The following ANGPTL3 variants were observed in gnomAD, a reference collection of about 807,000 sequenced individuals.
ANGPTL3 encodes the protein angiopoietin like 3, also known as angiopoietin-related protein 3.
In ANGPTL3, 51 loss-of-function variants were observed where a neutral mutation model predicts 52.7. That is an observed-to-expected ratio of 0.97 (90% CI 0.77 to 1.22). The LOEUF (loss-of-function observed/expected upper bound fraction) is 1.22. Ranked by LOEUF, ANGPTL3 falls within the 50% of genes most tolerant of loss-of-function variation. The pLI is 0.00. For synonymous variants in ANGPTL3, 185 were observed against 179.8 expected (o/e 1.03, Z -0.23); for missense variants, 506 against 520.7 (o/e 0.97, Z 0.27).
Position 62,597,875 on chromosome 1 carries a change from A to G in ANGPTL3, c.309A>G (p.Thr103=). 1.9e-6 allele frequency: 3 copies of G among 1,585,196 alleles called. No individual in the cohort carries two copies. The highest frequency in any genetic ancestry group is 2.6e-6 in the Non-Finnish European group (3 of 1,169,022). Residue 103 remains threonine, a synonymous_variant, in exon 1 of 7, where the codon ACA becomes ACG. Transcript: ENST00000371129. ...AAGAAAAGGAACTGAGAAGAACTAC[A>G]TATAAACTACAAGTCAAAAATGAAG... is the stretch of plus-strand genomic sequence containing the variant. ...KEEEKELRRT[T]YKLQVKNEEV... is the part of the protein sequence containing the mutation.
chr1:62,602,393 C>A lies in ANGPTL3; in HGVS notation c.931+13C>A. On this transcript the variant is annotated intron_variant, in intron 5 of 6. Transcript: ENST00000371129. Reference sequence around the variant, plus strand: ...GGGAGGCTTGATGGTAAGGGGACTACATTCAATCATTCATTCACTTGCTAA... The same window carrying A: ...GGGAGGCTTGATGGTAAGGGGACTAAATTCAATCATTCATTCACTTGCTAA... 6.3e-7 allele frequency: 1 copy of A among 1,595,428 alleles called. No individual in the cohort carries two copies. The highest frequency in any genetic ancestry group is 8.6e-7 in the Non-Finnish European group (1 of 1,163,820).
At position 62,597,972 on chromosome 1, in the gene ANGPTL3, CAA is replaced by C; in HGVS notation, c.410_411del (p.Lys137SerfsTer10). On this transcript the variant is annotated frameshift_variant, in exon 1 of 7. Coordinates refer to ENST00000371129, the MANE Select transcript of ANGPTL3 (RefSeq NM_014495.4). LOFTEE classifies it high-confidence loss of function. Reference protein sequence around the residue: ...SLLEEKILLQQKVKYLEEQLT... With the variant: ...SLLEEKILLQXKVKYLEEQLT... ...CCTAGAAGAAAAAATTCTACTTCAACAAAAAGTGAAATATTTAGAAGAGCAAC... is the reference window on the plus strand; with the variant it reads ...CCTAGAAGAAAAAATTCTACTTCAACAAAGTGAAATATTTAGAAGAGCAAC... 1 of 1,557,418 alleles carries C rather than the reference CAA, an allele frequency of 6.4e-7. No individual in the cohort carries two copies. Among genetic ancestry groups the C allele is most frequent in the Non-Finnish European group, 8.6e-7 (1 of 1,160,712 alleles).
intron 2 of ANGPTL3, among the ~76,000 whole-genome samples, chr1:62,600,048 T>C (rs1649882580): frequency 6.6e-6 from 1 of 151,996 alleles, no homozygotes; most frequent in African/African-American, 2.4e-5. Flanking sequence ...TTAGTAGTGC[T>C]GCTAAAAGGT....
chr1:62,603,969 G>C lies in ANGPTL3; in HGVS notation c.932G>C (p.Gly311Ala). ...AGATTTTTAAAACTTTTCTTTTCAG[G>C]AGAATTTTGGTTGGGCCTAGAGAAG... ...NYKYGFGRLD[G>A]EFWLGLEKIY... is the part of the protein sequence containing the mutation. The change falls in exon 6 of 7, where the codon GGA (glycine) becomes GCA (alanine). Residue 311 changes from glycine to alanine, a missense_variant and splice_region_variant. By Grantham distance (60) the Gly-to-Ala change is moderately conservative. Transcript: ENST00000371129. 6.2e-7 allele frequency: 1 copy of C among 1,612,496 alleles called. No homozygotes were observed. The highest frequency in any genetic ancestry group is 1.1e-5 in the South Asian group (1 of 91,004).
At position 62,601,770 on chromosome 1, in the gene ANGPTL3, C is replaced by A; in HGVS notation, c.723C>A (p.Gly241=). The A allele has an allele frequency of 6.3e-7, 1 of 1,595,298 alleles. No homozygotes were observed. Among genetic ancestry groups the A allele is most frequent in the Non-Finnish European group, 8.6e-7 (1 of 1,164,694 alleles). ...GTAATAACATTTTATTGATTCTAGGCATTCCTGCTGAATGTACCACCATTT... is the reference window on the plus strand; with the variant it reads ...GTAATAACATTTTATTGATTCTAGGAATTCCTGCTGAATGTACCACCATTT... ...LNEIRNVKHD[G]IPAECTTIYN... The change falls in exon 4 of 7, where the codon GGC becomes GGA. Residue 241 remains glycine (G), a splice_region_variant and synonymous_variant. Coordinates refer to ENST00000371129, the MANE Select transcript of ANGPTL3 (RefSeq NM_014495.4).
rs750973811 is a variant in ANGPTL3 at position 62,598,750 on chromosome 1, G to A, written c.550G>A (p.Asp184Asn). The A allele has an allele frequency of 1.2e-6, 2 of 1,611,518 alleles. No individual in the cohort carries two copies. Among genetic ancestry groups the A allele is most frequent in the East Asian group, 4.5e-5 (2 of 44,710 alleles). Residue 184 changes from aspartate (D) to asparagine (N), a missense_variant, in exon 2 of 7, where the codon GAC becomes AAC. Physicochemically the swap from Asp to Asn is conservative, Grantham distance 23. Transcript: ENST00000371129. ...CAAAGACCTTCTCCAGACCGTGGAA[G>A]ACCAATATAAACAATTAAACCAACA... ...SIKDLLQTVE[D>N]QYKQLNQQHS...
intron 3 of ANGPTL3, 70 bp from the exon 4 acceptor site, chr1:62,601,699 T>C: frequency 9.0e-7 from 1 of 1,106,790 alleles, no homozygotes; most frequent in Non-Finnish European, 1.4e-6. Context: ...AAATGTCAAG[T>C]GAAATCTCAA....
In ANGPTL3 at chr1:62,597,993, G is replaced by T; in HGVS notation, c.427G>T (p.Glu143Ter). ...LLQQKVKYLE[E>*]QLTNLIQNQP... ...TCAACAAAAAGTGAAATATTTAGAAGAGCAACTAACTAACTTAATTCAAAA... is the reference window on the plus strand; with the variant it reads ...TCAACAAAAAGTGAAATATTTAGAATAGCAACTAACTAACTTAATTCAAAA... Residue 143 changes from glutamate to a stop codon, truncating the protein, a stop_gained, in exon 1 of 7, where the codon GAG (glutamate) becomes TAG (stop). Transcript: ENST00000371129. LOFTEE classifies it high-confidence loss of function. 6.4e-7 allele frequency: 1 copy of T among 1,567,644 alleles called. No homozygotes were observed. Among genetic ancestry groups the T allele is most frequent in the South Asian group, 1.2e-5 (1 of 81,810 alleles).
intron 3 of ANGPTL3, 138 bp from the exon 4 acceptor site, chr1:62,601,630 AG>A: frequency 5.0e-6 from 3 of 596,196 alleles, no homozygotes; most frequent in Non-Finnish European, 8.9e-6. Flanking sequence ...ACGCCATCTA[AG>A]AAAAATGCTT....
chr1:62,603,427 T>G (rs951237991), intron 5 of ANGPTL3, among the ~76,000 whole-genome samples: 3 of 151,806 alleles, frequency 2.0e-5, no homozygotes, highest in Non-Finnish European at 4.4e-5. Flanking sequence ...AGAAAAAAGT[T>G]ATTAAGAACC....
At chr1:62,598,293 A>T (rs141806950) in intron 1 of ANGPTL3, among the ~76,000 whole-genome samples, 2 of 152,090 alleles carry the variant, frequency 1.3e-5, no homozygotes, top group African/African-American at 4.8e-5. Context: ...TATGAAAATT[A>T]CAAATCGGTT....
At chr1:62,600,409 T>A (rs1017080754) in intron 2 of ANGPTL3, among the ~76,000 whole-genome samples, 4 of 151,824 alleles carry the variant, frequency 2.6e-5, no homozygotes, top group African/African-American at 2.4e-5. Flanking sequence ...CTAGGAAATA[T>A]CATTCATGCC....
In ANGPTL3 at chr1:62,602,328, A is replaced by G. The variant is rs756694873; in HGVS notation, c.879A>G (p.Gln293=). 6.2e-7 allele frequency: 1 copy of G among 1,611,030 alleles called. No homozygotes were observed. The highest frequency in any genetic ancestry group is 1.1e-5 in the South Asian group (1 of 90,990). ...TLIQHRIDGS[Q]NFNETWENYK... ...TTCAACATCGAATAGATGGATCACA[A>G]AACTTCAATGAAACGTGGGAGAACT... Residue 293 remains glutamine, a synonymous_variant, in exon 5 of 7, where the codon CAA becomes CAG. Coordinates refer to ENST00000371129, the MANE Select transcript of ANGPTL3 (RefSeq NM_014495.4).
chr1:62,603,083 CT>C lies in ANGPTL3; in HGVS notation c.931+704del, dbSNP rs561542994. 1.8e-3 allele frequency among the ~76,000 whole-genome samples: 268 copies of C among 151,806 alleles called. 2 individuals are homozygous for C. Among genetic ancestry groups the C allele is most frequent in the African/African-American group, 5.9e-3 (243 of 41,532 alleles). On this transcript the variant is annotated intron_variant, in intron 5 of 6. Coordinates refer to ENST00000371129, the MANE Select transcript of ANGPTL3 (RefSeq NM_014495.4). ...ACCATTTAAAAATTTTGTATTCAAA[CT>C]ACCAGTGAAAGCCCTACCTAGAAGG...
In ANGPTL3 at chr1:62,601,759, T is replaced by C. The variant is rs1557782916; in HGVS notation, c.722-10T>C. The stretch of plus-strand genomic sequence containing the variant: ...CTAAATCTGATGTAATAACATTTTA[T>C]TGATTCTAGGCATTCCTGCTGAATG... On this transcript the variant is annotated splice_polypyrimidine_tract_variant and intron_variant, in intron 3 of 6. Coordinates refer to ENST00000371129, the MANE Select transcript of ANGPTL3 (RefSeq NM_014495.4). 6.4e-7 allele frequency: 1 copy of C among 1,556,516 alleles called. No homozygotes were observed. Among genetic ancestry groups the C allele is most frequent in the Non-Finnish European group, 8.8e-7 (1 of 1,130,064 alleles).
In ANGPTL3 at chr1:62,597,527, A is replaced by G. The variant is rs1421753465; in HGVS notation, c.-40A>G. 1 of 1,608,700 alleles carries G rather than the reference A, an allele frequency of 6.2e-7. No individual in the cohort carries two copies. Among genetic ancestry groups the G allele is most frequent in the South Asian group, 1.1e-5 (1 of 89,944 alleles). ...AAGTCTAGGTCTGCTTCCAGAAGAAAACAGTTCCACGTTGCTTGAAATTGA... is the reference window on the plus strand; with the variant it reads ...AAGTCTAGGTCTGCTTCCAGAAGAAGACAGTTCCACGTTGCTTGAAATTGA... On this transcript the variant is annotated 5_prime_UTR_variant, in exon 1 of 7. Transcript: ENST00000371129.
chr1:62,602,495 C>T (rs1482148821), intron 5 of ANGPTL3, 115 bp downstream of exon 5: 2 of 848,972 alleles, frequency 2.4e-6, no homozygotes, highest in African/African-American at 1.7e-5. Flanking sequence ...CAGTCTCAGC[C>T]TTCATATAAT....
At position 62,598,771 on chromosome 1, in the gene ANGPTL3, CA is replaced by C. The variant is rs1317284618; in HGVS notation, c.573del (p.Gln191HisfsTer6). On this transcript the variant is annotated frameshift_variant, in exon 2 of 7. Transcript: ENST00000371129. LOFTEE classifies it high-confidence loss of function. The part of the protein sequence containing the change: ...TVEDQYKQLN[Q>X]QHSQIKEIEN... ...GGAAGACCAATATAAACAATTAAAC[CA>C]ACAGCATAGTCAAATAAAAGAAATA... The C allele has an allele frequency of 1.1e-5, 17 of 1,607,928 alleles. No homozygotes were observed. Among genetic ancestry groups the C allele is most frequent in the Non-Finnish European group, 1.4e-5 (16 of 1,175,200 alleles).
chr1:62,601,070 TTC>T lies in ANGPTL3; in HGVS notation c.607-10_607-9del, dbSNP rs1557781779. 1 of 1,469,256 alleles carries T rather than the reference TTC, an allele frequency of 6.8e-7. No individual in the cohort carries two copies. The highest frequency in any genetic ancestry group is 9.5e-7 in the Non-Finnish European group (1 of 1,049,050). 91.0% of individuals were successfully genotyped at this position (1,469,256 alleles called of 1,614,324 possible). ...TATCATTTTAAAAAACAGATTTATA[TTC>T]TTTTATCAGCTCAGAAGGACTAGTA... On this transcript the variant is annotated splice_polypyrimidine_tract_variant and intron_variant, in intron 2 of 6. Coordinates refer to ENST00000371129, the MANE Select transcript of ANGPTL3 (RefSeq NM_014495.4).
Sources: gnomAD v4.1 joint callset for allele counts (sites outside exome capture counted in the v4.1 genomes callset) on GRCh38, gnomAD v4.1.1 for gene constraint, MANE v1.5 for transcripts, NCBI Gene and HGNC (gene_info 2026-07-23, HGNC 2026-07-21) for gene names.